ACTR10: variants seen among roughly 807,000 people sequenced by gnomAD.
ACTR10 encodes actin-related protein 10.
A neutral mutation model predicts 56.2 loss-of-function variants in ACTR10; 43 were observed. The ratio of observed to expected loss-of-function variants is 0.77; its 90% CI spans 0.60 to 0.99. The LOEUF is 0.99. Among genes scored for constraint, ACTR10 ranks in the 50% least tolerant of loss-of-function variants. ACTR10 has a pLI of 0.00. For missense variants in ACTR10, 466 were observed against 507.8 expected, an observed-to-expected ratio of 0.92 and a Z score of 0.79; for synonymous variants, 170 against 176.3, an observed-to-expected ratio of 0.96 and a Z score of 0.28.
intron 12 of ACTR10, among the ~76,000 whole-genome samples, chr14:58,232,972 G>A (rs932863165): frequency 1.3e-5 from 2 of 151,040 alleles, no homozygotes; most frequent in Admixed American, 1.3e-4. Flanking sequence ...CCAGGCTCAA[G>A]CAATCCTCCT....
intron 11 of ACTR10, chr14:58,230,990 C>G: frequency 4.0e-6 from 1 of 251,946 alleles, no homozygotes; most frequent in East Asian, 1.1e-4. Flanking sequence ...AACTCCTGAC[C>G]TTGTGATCCG....
At chr14:58,228,724 A>T (rs745660532) in intron 10 of ACTR10, among the ~76,000 whole-genome samples, 1 of 95,234 alleles carries the variant, frequency 1.1e-5, no homozygotes, top group Non-Finnish European at 1.9e-5. Context: ...TTTTTTAAAG[A>T]GATGAGGTCT....
At chr14:58,221,759 C>G (rs2140057008) in intron 8 of ACTR10, among the ~76,000 whole-genome samples, 1 of 151,556 alleles carries the variant, frequency 6.6e-6, no homozygotes, top group South Asian at 2.1e-4. Context: ...AAAAATAAAA[C>G]TACAAAAAAT....
intron 12 of ACTR10, among the ~76,000 whole-genome samples, chr14:58,233,754 G>C (rs1206263092): frequency 1.3e-5 from 2 of 152,210 alleles, no homozygotes; most frequent in Non-Finnish European, 2.9e-5. Context: ...TGTGTTTTAT[G>C]ATGCAGTTAG....
intron 4 of ACTR10, among the ~76,000 whole-genome samples, chr14:58,209,742 T>G (rs1888950266): frequency 6.6e-6 from 1 of 152,208 alleles, no homozygotes; most frequent in Non-Finnish European, 1.5e-5. Context: ...TAGACCAGAA[T>G]CTTAATTATT....
At chr14:58,202,812 A>G in intron 1 of ACTR10, 43 bp from the exon 2 acceptor site, 1 of 1,354,608 alleles carries the variant, frequency 7.4e-7, no homozygotes, top group Non-Finnish European at 1.0e-6. Context: ...ACAAATATTT[A>G]AAAGAATACT....
At chr14:58,229,829 T>A (rs1439440890) in intron 10 of ACTR10, among the ~76,000 whole-genome samples, 1 of 151,944 alleles carries the variant, frequency 6.6e-6, no homozygotes, top group East Asian at 1.9e-4. Flanking sequence ...AATATATATA[T>A]AATTTTTAAA....
chr14:58,212,917 A>C (rs1889037782), intron 5 of ACTR10: 2 of 152,338 alleles, frequency 1.3e-5, no homozygotes, highest in South Asian at 4.1e-4. Context: ...CAAGAGTTCG[A>C]GACCAGCCTG....
chr14:58,211,506 C>A (rs776826467), intron 5 of ACTR10, 107 bp downstream of exon 5: 7 of 773,634 alleles, frequency 9.0e-6, no homozygotes, highest in Non-Finnish European at 1.5e-5. Flanking sequence ...TTTTGGGTTA[C>A]TATGTACAAA....
intron 3 of ACTR10, among the ~76,000 whole-genome samples, chr14:58,208,507 G>A (rs1310346400): frequency 3.3e-5 from 5 of 152,014 alleles, no homozygotes; most frequent in East Asian, 1.9e-4. Flanking sequence ...CAAGTTTTAC[G>A]TGTCATAATA....
intron 10 of ACTR10, 78 bp from the exon 11 acceptor site, chr14:58,230,321 A>G: frequency 1.5e-6 from 1 of 683,344 alleles, no homozygotes; most frequent in South Asian, 2.7e-5. Flanking sequence ...TACTATGTAA[A>G]TGGAAATAAT....
At chr14:58,218,395 T>C (rs1889186048) in intron 7 of ACTR10, among the ~76,000 whole-genome samples, 1 of 152,202 alleles carries the variant, frequency 6.6e-6, no homozygotes, top group Admixed American at 6.5e-5. Flanking sequence ...ACTTCGAACA[T>C]GTTATCTTTA....
intron 10 of ACTR10, among the ~76,000 whole-genome samples, chr14:58,229,273 A>T (rs188763528): frequency 1.7e-3 from 252 of 152,314 alleles, no homozygotes; most frequent in African/African-American, 5.9e-3. Context: ...AAATGAGGAG[A>T]GGGTCAAAGG....
intron 1 of ACTR10, among the ~76,000 whole-genome samples, chr14:58,200,631 A>T (rs1888683008): frequency 6.6e-6 from 1 of 152,208 alleles, no homozygotes. Flanking sequence ...TGGGCTCCTC[A>T]GTTGAGGAAG....
At chr14:58,225,497 T>C (rs1433522355) in intron 10 of ACTR10, among the ~76,000 whole-genome samples, 1 of 152,110 alleles carries the variant, frequency 6.6e-6, no homozygotes. Flanking sequence ...TGAACATAAA[T>C]ACACAGAAGT....
intron 7 of ACTR10, among the ~76,000 whole-genome samples, chr14:58,216,635 G>A (rs1038909334): frequency 1.3e-5 from 2 of 152,126 alleles, no homozygotes; most frequent in Non-Finnish European, 2.9e-5. Context: ...TCGAGGCACC[G>A]TGAGTCCTAG....
chr14:58,206,288 C>T (rs1180757635), intron 2 of ACTR10, among the ~76,000 whole-genome samples: 3 of 151,566 alleles, frequency 2.0e-5, no homozygotes, highest in South Asian at 2.1e-4. Context: ...CCATTCTCCT[C>T]TCTCAGCCTC....
At chr14:58,225,904 G>T (rs181291512) in intron 10 of ACTR10, among the ~76,000 whole-genome samples, 17 of 152,110 alleles carry the variant, frequency 1.1e-4, no homozygotes, top group South Asian at 4.2e-4. Flanking sequence ...GTAGAGATGG[G>T]TTTCACCATG....
rs797005947 is a variant in ACTR10 at position 58,234,677 on chromosome 14, C to T, written c.*126C>T. 1 of 806,080 alleles carries T rather than the reference C, an allele frequency of 1.2e-6. No individual in the cohort carries two copies. The highest frequency in any genetic ancestry group is 1.7e-5 in the African/African-American group (1 of 57,450). The allele number at this position is 806,080 out of a possible 1,614,324, so 49.9% of individuals were successfully genotyped here. A position where few individuals can be genotyped will look rare whatever the true frequency, so the allele number is the denominator to read the frequency against. The stretch of plus-strand genomic sequence containing the variant: ...TGGAAGTGAAAGCATTCTGTGTTTA[C>T]TCTTTGCATTAATATATAATTCTTT... On this transcript the variant is annotated 3_prime_UTR_variant, in exon 13 of 13. Transcript: ENST00000254286.
Sources: allele counts gnomAD v4.1 joint callset (sites outside exome capture counted in the v4.1 genomes callset), GRCh38; gene constraint gnomAD v4.1.1; transcripts MANE v1.5; gene names NCBI Gene and HGNC (gene_info 2026-07-23, HGNC 2026-07-21).